Variants in SEL1L observed in about 807,000 individuals in gnomAD.
SEL1L encodes protein sel-1 homolog 1.
In SEL1L, 52 loss-of-function variants were observed where a neutral mutation model predicts 109.8. The observed-to-expected ratio is 0.47, with a 90% CI of 0.38 to 0.60. The LOEUF is 0.60. Ranked by LOEUF, SEL1L falls within the 20% of genes least tolerant of loss-of-function variation. The probability of loss-of-function intolerance (pLI) is 0.00; values close to 1 mark genes in which losing one functional copy is unlikely to be tolerated. For missense variants in SEL1L, 749 were observed against 962.2 expected (o/e 0.78, Z 2.93); for synonymous variants, 373 against 339.6 (o/e 1.10, Z -1.08).
At chr14:81,494,369 T>TCC (rs1170214663) in intron 11 of SEL1L, among the ~76,000 whole-genome samples, 1 of 152,162 alleles carries the variant, frequency 6.6e-6, no homozygotes, top group Non-Finnish European at 1.5e-5. Context: ...TCTCGAATAT[T>TCC]CCCCTCCCTG....
chr14:81,481,112 GTGTTAGATATATTTC>G (rs1903343645), intron 19 of SEL1L, among the ~76,000 whole-genome samples: 5 of 152,282 alleles, frequency 3.3e-5, no homozygotes, highest in African/African-American at 1.2e-4. Flanking sequence ...GTGTTTCCCT[GTGTTAGATATATTTC>G]TGTAAAGGGT....
chr14:81,531,520 T>C (rs1028698043), intron 1 of SEL1L, among the ~76,000 whole-genome samples: 3 of 152,166 alleles, frequency 2.0e-5, no homozygotes, highest in African/African-American at 7.2e-5. Context: ...AATCCATAGC[T>C]TAATTTACAC....
At chr14:81,477,229 C>A (rs1236206124) in intron 20 of SEL1L, 48 bp from the exon 21 acceptor site, 1 of 1,479,334 alleles carries the variant, frequency 6.8e-7, no homozygotes, top group Admixed American at 1.7e-5. Context: ...AAATGTCAGG[C>A]AAGGAACTGG....
intron 4 of SEL1L, 71 bp downstream of exon 4, chr14:81,506,003 G>C (rs1221579559): frequency 4.1e-6 from 6 of 1,446,120 alleles, no homozygotes; most frequent in Non-Finnish European, 5.6e-6. Context: ...AGGATGGCTA[G>C]AAAAAGGCCT....
rs79016383 is a variant in SEL1L, at chr14:81,525,643, A to C, written c.340+1090T>G. 2.2e-3 allele frequency among the ~76,000 whole-genome samples: 329 copies of C among 152,278 alleles called. 2 individuals are homozygous for C. In the Middle Eastern group the frequency reaches 0.037, roughly 17 times the overall value. On this transcript the variant is annotated intron_variant, in intron 3 of 20. Coordinates refer to ENST00000336735, the MANE Select transcript of SEL1L (RefSeq NM_005065.6). The stretch of plus-strand genomic sequence containing the variant: ...TCAGCAAATTTACTTTAAGAATTCT[A>C]AGGAAATTTTCACAGATAGGCACAA...
intron 12 of SEL1L, among the ~76,000 whole-genome samples, chr14:81,491,545 C>T (rs1883536864): frequency 1.3e-5 from 2 of 152,038 alleles, no homozygotes; most frequent in Non-Finnish European, 2.9e-5. Context: ...GTTACCACAC[C>T]CCAATTACTA....
intron 3 of SEL1L, among the ~76,000 whole-genome samples, chr14:81,516,744 T>C (rs1244821484): frequency 1.3e-5 from 2 of 152,104 alleles, no homozygotes; most frequent in Non-Finnish European, 2.9e-5. Flanking sequence ...AGGCACTGGG[T>C]CTCTAACAAG....
rs771885961 is a variant in SEL1L, at chr14:81,479,635, A to G, written c.2152T>C (p.Leu718=). The change falls in exon 20 of 21, where the codon TTG becomes CTG. Residue 718 remains leucine (L), a synonymous_variant. Transcript: ENST00000336735. ...ALCKLGVVYF[L]QYIRETNIRD... ...ACGTTTGTTTCCCGTATGTACTGCA[A>G]GAAATAGACGACGCCCAATTTGCAG... 1.2e-6 allele frequency: 2 copies of G among 1,613,402 alleles called. No homozygotes were observed. The highest frequency in any genetic ancestry group is 2.2e-5 in the East Asian group (1 of 44,886).
chr14:81,473,870 C>T lies in SEL1L; in HGVS notation c.*3102G>A, dbSNP rs914888271. The T allele has an allele frequency of 6.6e-6, 1 of 151,040 alleles. No homozygotes were observed. Among genetic ancestry groups the T allele is most frequent in the African/African-American group, 2.4e-5 (1 of 41,192 alleles). The allele number at this position is 151,040 out of a possible 1,614,324, so 9.4% of individuals were successfully genotyped here. A position where few individuals can be genotyped will look rare whatever the true frequency, so the allele number is the denominator to read the frequency against. ...TAAAAGAAGGGAGAGAAAGACAAAG[C>T]AAAATAAAAAAAAATTCCTATATAT... is the stretch of plus-strand genomic sequence containing the variant. On this transcript the variant is annotated 3_prime_UTR_variant, in exon 21 of 21. Coordinates refer to ENST00000336735, the MANE Select transcript of SEL1L (RefSeq NM_005065.6).
At chr14:81,497,868 T>G (rs1321499293) in intron 10 of SEL1L, 24 bp downstream of exon 10, 3 of 1,605,016 alleles carry the variant, frequency 1.9e-6, no homozygotes, top group Non-Finnish European at 2.6e-6. Context: ...GTAAAGATAT[T>G]TGGTGAGATG....
At position 81,484,486 on chromosome 14, in the gene SEL1L, C is replaced by T. The variant is rs1247055965; in HGVS notation, c.1874-89G>A. 2.5e-5 allele frequency: 30 copies of T among 1,217,202 alleles called. No homozygotes were observed. In the Admixed American group the frequency reaches 3.1e-4, roughly 13 times the overall value. The allele number at this position is 1,217,202 out of a possible 1,614,324, so 75.4% of individuals were successfully genotyped here. On this transcript the variant is annotated intron_variant, in intron 18 of 20. Transcript: ENST00000336735. The stretch of plus-strand genomic sequence containing the variant: ...TTTTCTCCTCCCATTGACATGCTTA[C>T]ATAAAACAAAGAATTTTAATTCATA...
chr14:81,476,134 T>C lies in SEL1L; in HGVS notation c.*838A>G, dbSNP rs1903151601. ...CCCAACCAGAGTTCGTTTTGTTTTC[T>C]AATTTCTCCCACTTAGTCCATCCTC... On this transcript the variant is annotated 3_prime_UTR_variant, in exon 21 of 21. Transcript: ENST00000336735. 1 of 152,230 alleles carries C rather than the reference T, an allele frequency of 6.6e-6. No homozygotes were observed. Among genetic ancestry groups the C allele is most frequent in the Admixed American group, 6.5e-5 (1 of 15,284 alleles). The allele number at this position is 152,230 out of a possible 1,614,324, so 9.4% of individuals were successfully genotyped here.
chr14:81,484,274 G>C lies in SEL1L; in HGVS notation c.1997C>G (p.Ala666Gly). ...LASEQQHSAQ[A>G]MFNLGYMHEK... The stretch of plus-strand genomic sequence containing the variant: ...ATGCATATATCCCAGATTAAACATA[G>C]CTTGTGCACTGTGTTGCTGCTCAGA... The change falls in exon 19 of 21, where the codon GCT (alanine) becomes GGT (glycine). Residue 666 changes from alanine (A) to glycine (G), a missense_variant. By Grantham distance (60) the Ala-to-Gly change is moderately conservative (BLOSUM62 0). Transcript: ENST00000336735. 1 of 1,614,038 alleles carries C rather than the reference G, an allele frequency of 6.2e-7. No homozygotes were observed. Among genetic ancestry groups the C allele is most frequent in the Non-Finnish European group, 8.5e-7 (1 of 1,179,948 alleles).
intron 3 of SEL1L, among the ~76,000 whole-genome samples, chr14:81,514,230 C>G (rs1339379146): frequency 6.6e-6 from 1 of 152,214 alleles, no homozygotes; most frequent in African/African-American, 2.4e-5. Flanking sequence ...CTCAGGGTAG[C>G]AGGCCTAACA....
chr14:81,527,239 C>T (rs1449019023), intron 2 of SEL1L, among the ~76,000 whole-genome samples: 1 of 152,172 alleles, frequency 6.6e-6, no homozygotes, highest in African/African-American at 2.4e-5. Context: ...ATGCCCCCAA[C>T]ATACCTTATA....
chr14:81,482,615 T>A (rs533764592), intron 19 of SEL1L, among the ~76,000 whole-genome samples: 131 of 152,310 alleles, frequency 8.6e-4, no homozygotes, highest in Middle Eastern at 6.8e-3. Context: ...GTTACTACAT[T>A]AAGTGGCAGA....
intron 19 of SEL1L, among the ~76,000 whole-genome samples, chr14:81,480,315 G>A (rs919390701): frequency 3.3e-5 from 5 of 152,024 alleles, no homozygotes; most frequent in African/African-American, 1.2e-4. Flanking sequence ...TCAGCTTCCC[G>A]AGTAGCTGGG....
At position 81,475,913 on chromosome 14, in the gene SEL1L, T is replaced by C. The variant is rs1169874469; in HGVS notation, c.*1059A>G. ...GGCTTTCATCAACCACTGAGTTTAA[T>C]CCATCTTTGATTCTCTGAGTTTTAG... On this transcript the variant is annotated 3_prime_UTR_variant, in exon 21 of 21. Coordinates refer to ENST00000336735, the MANE Select transcript of SEL1L (RefSeq NM_005065.6). 6.6e-6 allele frequency: 1 copy of C among 152,224 alleles called. No homozygotes were observed. The highest frequency in any genetic ancestry group is 6.5e-5 in the Admixed American group (1 of 15,282). 9.4% of individuals were successfully genotyped at this position (152,224 alleles called of 1,614,324 possible).
intron 3 of SEL1L, among the ~76,000 whole-genome samples, chr14:81,525,550 C>T (rs1325621290): frequency 1.3e-5 from 2 of 150,600 alleles, no homozygotes; most frequent in Non-Finnish European, 2.9e-5. Flanking sequence ...AGGAAGTAAA[C>T]AGAATCACTT....
Sources: gnomAD v4.1 joint callset for allele counts (sites outside exome capture counted in the v4.1 genomes callset) on GRCh38, gnomAD v4.1.1 for gene constraint, MANE v1.5 for transcripts, NCBI Gene and HGNC (gene_info 2026-07-23, HGNC 2026-07-21) for gene names.